The following WNK1 variants were observed in gnomAD, a reference collection of about 807,000 sequenced individuals.
WNK1 encodes the protein WNK lysine deficient protein kinase 1.
Under a neutral mutation model 222.8 loss-of-function variants are expected in WNK1, and 38 were observed. The ratio of observed to expected loss-of-function variants is 0.17; its 90% CI spans 0.13 to 0.22. The LOEUF (loss-of-function observed/expected upper bound fraction) is 0.22, where lower values mean the gene tolerates loss of function less well. Among genes scored for constraint, WNK1 ranks in the 10% least tolerant of loss-of-function variants. WNK1 has a pLI of 1.00. For missense variants in WNK1, 2,348 were observed against 2,918.4 expected (o/e 0.80, Z 4.50); for synonymous variants, 1,090 against 1,092.9 (o/e 1.00, Z 0.05).
rs780191582 is a variant in WNK1, at chr12:896,582, C to G, written c.6095C>G (p.Ser2032Trp). Residue 2032 changes from serine to tryptophan, a missense_variant, in exon 24 of 28, where the codon TCG (serine) becomes TGG (tryptophan). Ser to Trp is a radical substitution (Grantham distance 177). This residue lies in a region of WNK1 where 1,144 missense variants were observed against 1,273.6 expected (regional missense o/e 0.90). Coordinates refer to ENST00000315939, the MANE Select transcript of WNK1 (RefSeq NM_018979.4). ...GATGATGGTTCCGGTAGTCCACACT[C>G]GCCCCATCAGCTGAGCTCAAAGAGC... ...DVDDGSGSPH[S>W]PHQLSSKSLP... 7 of 1,611,720 alleles carry G rather than the reference C, an allele frequency of 4.3e-6. No individual in the cohort carries two copies. The highest frequency in any genetic ancestry group is 1.1e-5 in the South Asian group (1 of 90,940).
At chr12:887,709 C>T (rs562231205) in intron 20 of WNK1, among the ~76,000 whole-genome samples, 1 of 152,240 alleles carries the variant, frequency 6.6e-6, no homozygotes, top group South Asian at 2.1e-4. Flanking sequence ...AAACTTTTTC[C>T]GCGAGTCCAG....
At chr12:881,034 G>A (rs371754295) in intron 12 of WNK1, 35 bp downstream of exon 12, 15 of 1,611,986 alleles carry the variant, frequency 9.3e-6, no homozygotes, top group South Asian at 2.2e-5. Context: ...TATGTAAAAC[G>A]TATATATGTA....
At chr12:855,137 G>A (rs939588495) in intron 4 of WNK1, among the ~76,000 whole-genome samples, 1 of 152,118 alleles carries the variant, frequency 6.6e-6, no homozygotes, top group Non-Finnish European at 1.5e-5. Context: ...ATACCAGCTT[G>A]CTCAATTAAA....
Position 901,430 on chromosome 12 carries a change from C to T in WNK1, c.6643+760C>T, listed in dbSNP as rs182081147. 1.1e-4 allele frequency: 48 copies of T among 433,584 alleles called. No homozygotes were observed. The East Asian group carries it at 3.8e-3, about 34-fold the overall frequency. 26.9% of individuals were successfully genotyped at this position (433,584 alleles called of 1,614,324 possible). A position where few individuals can be genotyped will look rare whatever the true frequency, so the allele number is the denominator to read the frequency against. ...TCATCTCTTACATATCTGACCTTCC[C>T]CCCAGAAGCTTGTTCTTCTGTGTGC... On this transcript the variant is annotated intron_variant, in intron 26 of 27. Transcript: ENST00000315939.
chr12:795,299 T>G (rs1394025592), intron 1 of WNK1, among the ~76,000 whole-genome samples: 5 of 151,218 alleles, frequency 3.3e-5, no homozygotes, highest in African/African-American at 9.7e-5. Flanking sequence ...TTCCGTTGTT[T>G]TTTTTTTTTT....
intron 14 of WNK1, among the ~76,000 whole-genome samples, chr12:882,396 A>G (rs1400725268): frequency 6.6e-6 from 1 of 152,074 alleles, no homozygotes; most frequent in Non-Finnish European, 1.5e-5. Context: ...ACAGGGTTTC[A>G]CCATATTGGT....
Position 884,746 on chromosome 12 carries a change from A to G in WNK1, c.3942A>G (p.Gln1314=). ...QQAFSELRRA[Q]MTEGPNTAPP... ...CCTTTTCTGAACTTAGACGTGCCCA[A>G]ATGACAGAAGGACCCAACACAGCAC... The change falls in exon 19 of 28, where the codon CAA becomes CAG. Residue 1314 remains glutamine (Q), a synonymous_variant. Transcript: ENST00000315939. The surrounding 1 kb of genome is among the most constrained non-coding windows in gnomAD (Gnocchi z 5.6). 1 of 1,614,164 alleles carries G rather than the reference A, an allele frequency of 6.2e-7. No individual in the cohort carries two copies.
intron 1 of WNK1, among the ~76,000 whole-genome samples, chr12:771,284 A>G (rs1056132564): frequency 4.0e-5 from 6 of 151,850 alleles, no homozygotes; most frequent in African/African-American, 2.4e-5. Context: ...GGTGTGAGCT[A>G]CTATGCCCGG....
intron 4 of WNK1, 144 bp from the exon 5 acceptor site, chr12:857,017 A>T: frequency 1.3e-6 from 1 of 784,076 alleles, no homozygotes; most frequent in Non-Finnish European, 2.2e-6. Flanking sequence ...CAACTGTGAC[A>T]CTGCATGGAC....
intron 1 of WNK1, among the ~76,000 whole-genome samples, chr12:804,787 C>T (rs77740512): frequency 1.8e-3 from 268 of 152,040 alleles, no homozygotes; most frequent in African/African-American, 6.0e-3. Context: ...CTAGATGTAC[C>T]TCATGTAAGT....
Position 887,244 on chromosome 12 carries a change from T to G in WNK1, c.5304T>G (p.Leu1768=), listed in dbSNP as rs1013291311. Residue 1768 remains leucine (L), a synonymous_variant, in exon 20 of 28, where the codon CTT becomes CTG. Coordinates refer to ENST00000315939, the MANE Select transcript of WNK1 (RefSeq NM_018979.4). ...KAPVLPVGTE[L]PAGTLPSEQL... ...AGGTGCTGCCAGTGGGTACTGAACT[T>G]CCAGCAGGTACTCTACCCAGCGAGC... 1 of 1,614,216 alleles carries G rather than the reference T, an allele frequency of 6.2e-7. No individual in the cohort carries two copies. Among genetic ancestry groups the G allele is most frequent in the Non-Finnish European group, 8.5e-7 (1 of 1,180,024 alleles).
intron 24 of WNK1, 39 bp downstream of exon 24, chr12:896,771 G>A: frequency 6.3e-7 from 1 of 1,599,138 alleles, no homozygotes; most frequent in Non-Finnish European, 8.5e-7. Flanking sequence ...GTCAGATAAG[G>A]TTTTCAGACC....
At chr12:817,501 A>G (rs11064548) in intron 2 of WNK1, among the ~76,000 whole-genome samples, 34,547 of 152,146 alleles carry the variant, frequency 0.23, 4,815 homozygotes, top group East Asian at 0.51. Flanking sequence ...TTGGAGAGGC[A>G]GATTGGGAAG....
chr12:908,267 T>TAC (rs1198817942), intron 27 of WNK1: 4 of 746,742 alleles, frequency 5.4e-6, no homozygotes, highest in Non-Finnish European at 6.7e-6. Flanking sequence ...CATCCTCAAC[T>TAC]ACACACACAC....
At chr12:829,446 G>A (rs1161949553) in intron 3 of WNK1, among the ~76,000 whole-genome samples, 2 of 152,144 alleles carry the variant, frequency 1.3e-5, no homozygotes, top group Non-Finnish European at 1.5e-5. Flanking sequence ...TTTAAAAAAT[G>A]TATTGAATAT....
intron 1 of WNK1, among the ~76,000 whole-genome samples, chr12:799,774 T>C (rs1222577513): frequency 1.3e-5 from 2 of 152,114 alleles, no homozygotes; most frequent in Non-Finnish European, 2.9e-5. Context: ...AACCTCTGCC[T>C]CCCGGGTTCA....
At position 827,331 on chromosome 12, in the gene WNK1, T is replaced by C; in HGVS notation, c.1153+69T>C. 7.2e-7 allele frequency: 1 copy of C among 1,398,562 alleles called. No individual in the cohort carries two copies. Among genetic ancestry groups the C allele is most frequent in the Non-Finnish European group, 1.0e-6 (1 of 984,952 alleles). The allele number at this position is 1,398,562 out of a possible 1,614,324, so 86.6% of individuals were successfully genotyped here. ...TTCCTTTTATTTAGAATCCTGGCTC[T>C]GTCAGAGTTTTAAGTGATATAAACC... On this transcript the variant is annotated intron_variant, in intron 3 of 27. Coordinates refer to ENST00000315939, the MANE Select transcript of WNK1 (RefSeq NM_018979.4). The surrounding 1 kb of genome is among the most constrained non-coding windows in gnomAD (Gnocchi z 4.6).
intron 1 of WNK1, among the ~76,000 whole-genome samples, chr12:755,514 A>G (rs1186787855): frequency 6.6e-6 from 1 of 152,242 alleles, no homozygotes. Flanking sequence ...CTTTACAAAC[A>G]TAATCATTTC....
rs1315888772 is a variant in WNK1 at position 909,448 on chromosome 12, G to T, written c.*656G>T. 11 of 152,124 alleles carry T rather than the reference G, an allele frequency of 7.2e-5. No homozygotes were observed. Among genetic ancestry groups the T allele is most frequent in the African/African-American group, 2.7e-4 (11 of 41,356 alleles). 9.4% of individuals were successfully genotyped at this position (152,124 alleles called of 1,614,324 possible). On this transcript the variant is annotated 3_prime_UTR_variant, in exon 28 of 28. Transcript: ENST00000315939. Reference sequence around the variant, plus strand: ...AAGTTCCCTGCGGACATGTAACTTTGCCATCAGTTTTGATGTGGAAACACT... The same window carrying T: ...AAGTTCCCTGCGGACATGTAACTTTTCCATCAGTTTTGATGTGGAAACACT...
Sources: allele counts gnomAD v4.1 joint callset (sites outside exome capture counted in the v4.1 genomes callset), GRCh38; gene constraint gnomAD v4.1.1; regional missense constraint gnomAD v4.1.1; non-coding constraint Gnocchi (gnomAD v3.1); transcripts MANE v1.5; gene names NCBI Gene and HGNC (gene_info 2026-07-23, HGNC 2026-07-21).